Variants in MANBAL observed in about 807,000 individuals in gnomAD.
MANBAL encodes the protein mannosidase beta like.
In MANBAL, 1 loss-of-function variant was observed where a neutral mutation model predicts 6.4. The observed-to-expected ratio is 0.16, with a 90% CI of 0.06 to 0.74. The LOEUF is 0.74. MANBAL is among the 30% of genes least tolerant of loss of function. The probability of loss-of-function intolerance (pLI) is 0.78; values close to 1 mark genes in which losing one functional copy is unlikely to be tolerated. For missense variants in MANBAL, 100 were observed against 107.8 expected (o/e 0.93, Z 0.32); for synonymous variants, 47 against 45.8 (o/e 1.03, Z -0.10).
chr20:37,293,917 G>A (rs1353428447), intron 1 of MANBAL, among the ~76,000 whole-genome samples: 1 of 152,088 alleles, frequency 6.6e-6, no homozygotes, highest in African/African-American at 2.4e-5. Context: ...GTCACATTCT[G>A]CATTCCATCC....
chr20:37,298,333 T>G (rs2069047687), intron 1 of MANBAL, among the ~76,000 whole-genome samples: 1 of 152,226 alleles, frequency 6.6e-6, no homozygotes, highest in East Asian at 1.9e-4. Context: ...TCACTGTCTA[T>G]TTCTAGAACT....
intron 2 of MANBAL, among the ~76,000 whole-genome samples, chr20:37,308,929 C>A (rs534515367): frequency 6.6e-6 from 1 of 152,324 alleles, no homozygotes; most frequent in Admixed American, 6.5e-5. Flanking sequence ...TGCATCTCGT[C>A]AGCTCACAGC....
rs75562862 is a variant in MANBAL at position 37,300,747 on chromosome 20, G to T, written c.-56-461G>T. 7.9e-5 allele frequency among the ~76,000 whole-genome samples: 12 copies of T among 152,224 alleles called. No individual in the cohort carries two copies. In the East Asian group the frequency reaches 2.3e-3, roughly 29 times the overall value. The stretch of plus-strand genomic sequence containing the variant: ...GATACACAGAAAAGTTGAAAGAATG[G>T]TTCATTGACTGACCATATGTTCCCA... On this transcript the variant is annotated intron_variant, in intron 1 of 2. Transcript: ENST00000373606.
At position 37,316,508 on chromosome 20, in the gene MANBAL, C is replaced by G; in HGVS notation, c.*93C>G. On this transcript the variant is annotated 3_prime_UTR_variant, in exon 3 of 3. Coordinates refer to ENST00000373606, the MANE Select transcript of MANBAL (RefSeq NM_001003897.2). ...ATTGTGTTCCCCCGCATTCCAGGCT[C>G]AGGGTCTGAGGAGGCTGTGACGCCC... The G allele has an allele frequency of 8.5e-7, 1 of 1,176,388 alleles. No individual in the cohort carries two copies. Among genetic ancestry groups the G allele is most frequent in the Non-Finnish European group, 1.2e-6 (1 of 828,752 alleles). 72.9% of individuals were successfully genotyped at this position (1,176,388 alleles called of 1,614,324 possible).
chr20:37,315,648 G>T (rs577661980), intron 2 of MANBAL, among the ~76,000 whole-genome samples: 2 of 152,210 alleles, frequency 1.3e-5, no homozygotes, highest in African/African-American at 4.8e-5. Flanking sequence ...AGGGAGTCTG[G>T]AATTCTGCCC....
chr20:37,305,090 C>G (rs1273511183), intron 2 of MANBAL, among the ~76,000 whole-genome samples: 1 of 152,162 alleles, frequency 6.6e-6, no homozygotes, highest in East Asian at 1.9e-4. Flanking sequence ...TTGTCCATCT[C>G]TTATTCTGGT....
intron 2 of MANBAL, among the ~76,000 whole-genome samples, chr20:37,312,968 T>C (rs2069421289): frequency 6.6e-6 from 1 of 152,334 alleles, no homozygotes; most frequent in East Asian, 1.9e-4. Context: ...GTTCTCATGG[T>C]TACTGGGAGA....
rs2069172794 is a variant in MANBAL, at chr20:37,303,007, A to T, written c.150+1594A>T. 2.0e-5 allele frequency among the ~76,000 whole-genome samples: 3 copies of T among 152,152 alleles called. No individual in the cohort carries two copies. In the South Asian group the frequency reaches 6.2e-4, roughly 31 times the overall value. ...AGCTCACTGCAATCTCTGTCTCCCA[A>T]GTTCAAGCAATTCTCCTGCTTCAGC... On this transcript the variant is annotated intron_variant, in intron 2 of 2. Coordinates refer to ENST00000373606, the MANE Select transcript of MANBAL (RefSeq NM_001003897.2).
In MANBAL at chr20:37,316,989, G is replaced by A. The variant is rs1390317116; in HGVS notation, c.*574G>A. 2 of 152,308 alleles carry A rather than the reference G, an allele frequency of 1.3e-5. No individual in the cohort carries two copies. Among genetic ancestry groups the A allele is most frequent in the African/African-American group, 2.4e-5 (1 of 41,046 alleles). The allele number at this position is 152,308 out of a possible 1,614,324, so 9.4% of individuals were successfully genotyped here. A position where few individuals can be genotyped will look rare whatever the true frequency, so the allele number is the denominator to read the frequency against. ...TGGCGTGAGAGCCAGCAGACAGCCA[G>A]GCCAGGGTAGGCAGTGCCTGCTTCT... On this transcript the variant is annotated 3_prime_UTR_variant, in exon 3 of 3. Transcript: ENST00000373606.
rs114957744 is a variant in MANBAL at position 37,305,122 on chromosome 20, T to C, written c.150+3709T>C. On this transcript the variant is annotated intron_variant, in intron 2 of 2. Transcript: ENST00000373606. ...TGGTATCTTGAGAAGGAGATCACTA[T>C]TGGCGTTCTTCCACCCACAATTGTA... is the stretch of plus-strand genomic sequence containing the variant. Among the ~76,000 whole-genome samples, 976 of 152,348 alleles carry C rather than the reference T, an allele frequency of 6.4e-3. 7 individuals are homozygous for C. The highest frequency in any genetic ancestry group is 0.022 in the African/African-American group (923 of 41,588).
At chr20:37,312,237 G>A (rs2069406884) in intron 2 of MANBAL, among the ~76,000 whole-genome samples, 1 of 152,194 alleles carries the variant, frequency 6.6e-6, no homozygotes, top group African/African-American at 2.4e-5. Flanking sequence ...CCACTTTTCT[G>A]ATTGCTGTAG....
chr20:37,316,516 G>A lies in MANBAL; in HGVS notation c.*101G>A. 9.4e-7 allele frequency: 1 copy of A among 1,062,792 alleles called. No homozygotes were observed. Among genetic ancestry groups the A allele is most frequent in the Non-Finnish European group, 1.4e-6 (1 of 734,670 alleles). The allele number at this position is 1,062,792 out of a possible 1,614,324, so 65.8% of individuals were successfully genotyped here. ...CCCCCGCATTCCAGGCTCAGGGTCTGAGGAGGCTGTGACGCCCTATGACCG... is the reference window on the plus strand; with the variant it reads ...CCCCCGCATTCCAGGCTCAGGGTCTAAGGAGGCTGTGACGCCCTATGACCG... On this transcript the variant is annotated 3_prime_UTR_variant, in exon 3 of 3. Transcript: ENST00000373606.
rs1001746502 is a variant in MANBAL, at chr20:37,302,377, A to G, written c.150+964A>G. The G allele has an allele frequency of 2.0e-5, 31 of 1,547,724 alleles. No homozygotes were observed. In the African/African-American group the frequency reaches 4.1e-4, roughly 21 times the overall value. On this transcript the variant is annotated intron_variant, in intron 2 of 2. Transcript: ENST00000373606. ...TACTCCCTACTGTGTGGCATCAACA[A>G]GCAGGTGGTGTCTGGCTGCTGCACA...
chr20:37,308,515 G>A (rs1295575358), intron 2 of MANBAL, among the ~76,000 whole-genome samples: 2 of 152,196 alleles, frequency 1.3e-5, no homozygotes, highest in Non-Finnish European at 2.9e-5. Flanking sequence ...TCAATAGGGA[G>A]TTCCTGGCTT....
chr20:37,313,772 C>T (rs1293087233), intron 2 of MANBAL, among the ~76,000 whole-genome samples: 1 of 152,098 alleles, frequency 6.6e-6, no homozygotes, highest in Non-Finnish European at 1.5e-5. Flanking sequence ...AGGGGCTGCC[C>T]CCAGCTGGAA....
intron 2 of MANBAL, among the ~76,000 whole-genome samples, chr20:37,310,883 G>A (rs746590897): frequency 1.8e-4 from 28 of 152,216 alleles, no homozygotes; most frequent in Non-Finnish European, 2.2e-4. Context: ...GTAGTCTGCC[G>A]TCTGTGTGGC....
At chr20:37,292,780 A>G (rs2068902423) in intron 1 of MANBAL, among the ~76,000 whole-genome samples, 1 of 152,112 alleles carries the variant, frequency 6.6e-6, no homozygotes, top group African/African-American at 2.4e-5. Context: ...TTTGTTGAGC[A>G]CTTTCTTTCT....
intron 2 of MANBAL, among the ~76,000 whole-genome samples, chr20:37,308,862 A>G (rs985598072): frequency 3.3e-5 from 5 of 152,232 alleles, no homozygotes; most frequent in East Asian, 1.9e-4. Flanking sequence ...ACGGTAGTGA[A>G]TCAGAAACTC....
At chr20:37,302,144 A>G in intron 2 of MANBAL, 1 of 1,300,806 alleles carries the variant, frequency 7.7e-7, no homozygotes, top group Non-Finnish European at 1.1e-6. Context: ...GCCCACTCCC[A>G]TTTGCTCGTG....
Sources: allele counts gnomAD v4.1 joint callset (sites outside exome capture counted in the v4.1 genomes callset), GRCh38; gene constraint gnomAD v4.1.1; transcripts MANE v1.5; gene names NCBI Gene and HGNC (gene_info 2026-07-23, HGNC 2026-07-21).